Variants in KLHL29 observed in about 807,000 individuals in gnomAD.
KLHL29 encodes the protein kelch-like protein 29.
Under a neutral mutation model 80.4 loss-of-function variants are expected in KLHL29, and 21 were observed. The ratio of observed to expected loss-of-function variants is 0.26; its 90% CI spans 0.19 to 0.38. The LOEUF (loss-of-function observed/expected upper bound fraction) is 0.38. Ranked by LOEUF, KLHL29 falls within the 10% of genes least tolerant of loss-of-function variation. KLHL29 has a pLI of 1.00. For missense variants in KLHL29, 867 were observed against 1,223.9 expected (o/e 0.71, Z 4.35); for synonymous variants, 511 against 526.8 (o/e 0.97, Z 0.41).
At chr2:23,507,059 T>C in intron 2 of KLHL29, 1 of 425,750 alleles carries the variant, frequency 2.3e-6, no homozygotes, top group Non-Finnish European at 5.1e-6. Context: ...CAGCCGACCC[T>C]GGGGTTCTAA....
intron 1 of KLHL29, among the ~76,000 whole-genome samples, chr2:23,449,749 A>G (rs1437594397): frequency 6.6e-6 from 1 of 152,184 alleles, no homozygotes; most frequent in Non-Finnish European, 1.5e-5. Context: ...AACTAATTAG[A>G]GAACCTTAGG....
At position 23,639,287 on chromosome 2, in the gene KLHL29, A is replaced by G. The variant is rs1320957661; in HGVS notation, c.427+7A>G. 2 of 1,545,330 alleles carry G rather than the reference A, an allele frequency of 1.3e-6. No homozygotes were observed. Among genetic ancestry groups the G allele is most frequent in the Admixed American group, 2.0e-5 (1 of 49,736 alleles). On this transcript the variant is annotated splice_region_variant and intron_variant, in intron 4 of 13. Coordinates refer to ENST00000486442, the MANE Select transcript of KLHL29 (RefSeq NM_052920.2). Reference sequence around the variant, plus strand: ...AGAGAGAGTGACAATCCAGGTACGTACCTCATCGGCAGATAGAAACGACTG... The same window carrying G: ...AGAGAGAGTGACAATCCAGGTACGTGCCTCATCGGCAGATAGAAACGACTG...
In KLHL29 at chr2:23,680,702, G is replaced by A. The variant is rs1326868663; in HGVS notation, c.941-3697G>A. On this transcript the variant is annotated intron_variant, in intron 5 of 13. Coordinates refer to ENST00000486442, the MANE Select transcript of KLHL29 (RefSeq NM_052920.2). This position sits in a 1 kb window ranked among gnomAD's most constrained non-coding sequence, Gnocchi z 4.1. ...AGGCCATCTTCCCCTGGGGTCTCTAGGCCATCTTCCCCTGGGGTCTCTAGG... is the reference window on the plus strand; with the variant it reads ...AGGCCATCTTCCCCTGGGGTCTCTAAGCCATCTTCCCCTGGGGTCTCTAGG... 2.6e-5 allele frequency among the ~76,000 whole-genome samples: 4 copies of A among 151,356 alleles called. No homozygotes were observed. The highest frequency in any genetic ancestry group is 5.9e-5 in the Non-Finnish European group (4 of 67,828).
At chr2:23,634,905 T>C (rs1346835961) in intron 3 of KLHL29, among the ~76,000 whole-genome samples, 1 of 152,208 alleles carries the variant, frequency 6.6e-6, no homozygotes, top group Non-Finnish European at 1.5e-5. Context: ...ATATGCTTCT[T>C]CCACTGGCCA....
chr2:23,491,147 T>C (rs1665091386), intron 2 of KLHL29, among the ~76,000 whole-genome samples: 1 of 152,056 alleles, frequency 6.6e-6, no homozygotes, highest in Admixed American at 6.6e-5. Flanking sequence ...CAGATTCTAG[T>C]ATGAAACTCA....
At chr2:23,527,111 T>C (rs1002684909) in intron 2 of KLHL29, among the ~76,000 whole-genome samples, 1 of 152,150 alleles carries the variant, frequency 6.6e-6, no homozygotes, top group African/African-American at 2.4e-5. Context: ...ACGGTGGCCA[T>C]GTTGGCCCAT....
intron 1 of KLHL29, among the ~76,000 whole-genome samples, chr2:23,475,001 C>A (rs1664593166): frequency 6.7e-6 from 1 of 149,230 alleles, no homozygotes; most frequent in African/African-American, 2.5e-5. Flanking sequence ...GGTATTAAAT[C>A]TATAATTTAA....
At chr2:23,568,360 T>TG (rs1160833994) in intron 3 of KLHL29, among the ~76,000 whole-genome samples, 1 of 152,216 alleles carries the variant, frequency 6.6e-6, no homozygotes, top group Admixed American at 6.5e-5. Flanking sequence ...AGTACTGGTC[T>TG]GGGCTGGCTC....
chr2:23,529,752 T>G (rs1666434681), intron 2 of KLHL29, among the ~76,000 whole-genome samples: 1 of 152,234 alleles, frequency 6.6e-6, no homozygotes, highest in African/African-American at 2.4e-5. Context: ...AGCCTCCACC[T>G]GCGGGCTGGC....
chr2:23,520,281 G>A lies in KLHL29; in HGVS notation c.-45-41871G>A, dbSNP rs527438295. On this transcript the variant is annotated intron_variant, in intron 2 of 13. Coordinates refer to ENST00000486442, the MANE Select transcript of KLHL29 (RefSeq NM_052920.2). The stretch of plus-strand genomic sequence containing the variant: ...TCATCGTGTTAATTCTGTTGGGCTT[G>A]GCCTCTGCGCTTTCATGGGCTCAGA... 7.9e-5 allele frequency among the ~76,000 whole-genome samples: 12 copies of A among 152,166 alleles called. No individual in the cohort carries two copies. In the South Asian group the frequency reaches 2.1e-3, roughly 26 times the overall value.
At chr2:23,662,299 G>A (rs1056811655) in intron 5 of KLHL29, among the ~76,000 whole-genome samples, 6 of 152,184 alleles carry the variant, frequency 3.9e-5, no homozygotes, top group South Asian at 2.1e-4. Context: ...TAACCCTACT[G>A]TCTTACTATC....
chr2:23,454,021 C>A (rs1323222166), intron 1 of KLHL29, among the ~76,000 whole-genome samples: 3 of 152,170 alleles, frequency 2.0e-5, no homozygotes, highest in African/African-American at 7.2e-5. Flanking sequence ...ACTAAATGCC[C>A]ATTAAAACAG....
chr2:23,557,139 G>C (rs546697505), intron 2 of KLHL29, among the ~76,000 whole-genome samples: 1 of 152,272 alleles, frequency 6.6e-6, no homozygotes, highest in Non-Finnish European at 1.5e-5. Context: ...GACCAGTCTC[G>C]TCTAACGTAC....
At chr2:23,448,838 A>G (rs1670366205) in intron 1 of KLHL29, among the ~76,000 whole-genome samples, 1 of 152,080 alleles carries the variant, frequency 6.6e-6, no homozygotes, top group African/African-American at 2.4e-5. Flanking sequence ...TATGGCCTCC[A>G]CCTCATTTCC....
intron 1 of KLHL29, among the ~76,000 whole-genome samples, chr2:23,410,568 A>C (rs1285097198): frequency 6.6e-6 from 1 of 152,178 alleles, no homozygotes; most frequent in Non-Finnish European, 1.5e-5. Flanking sequence ...CATCAGGGCC[A>C]GAGACAGAAA....
intron 1 of KLHL29, among the ~76,000 whole-genome samples, chr2:23,453,447 G>C (rs1390774016): frequency 6.6e-6 from 1 of 152,276 alleles, no homozygotes; most frequent in Non-Finnish European, 1.5e-5. Flanking sequence ...ATTGAAAATA[G>C]AAGTGTGGGT....
At chr2:23,581,915 T>C (rs1283112472) in intron 3 of KLHL29, among the ~76,000 whole-genome samples, 6 of 151,938 alleles carry the variant, frequency 3.9e-5, no homozygotes, top group African/African-American at 1.5e-4. Flanking sequence ...AAGCTCCACC[T>C]TTGAAAAACT....
At chr2:23,558,185 TA>T (rs1174395958) in intron 2 of KLHL29, among the ~76,000 whole-genome samples, 9 of 130,896 alleles carry the variant, frequency 6.9e-5, no homozygotes, top group Non-Finnish European at 1.6e-4. Flanking sequence ...AAAGAGGACA[TA>T]CTGTGGTGAA....
chr2:23,523,489 C>T (rs922460508), intron 2 of KLHL29, among the ~76,000 whole-genome samples: 3 of 152,176 alleles, frequency 2.0e-5, no homozygotes, highest in African/African-American at 7.2e-5. Flanking sequence ...CTTAGCTTCC[C>T]CCCGCCAAAA....
Sources: allele counts gnomAD v4.1 joint callset (sites outside exome capture counted in the v4.1 genomes callset), GRCh38; gene constraint gnomAD v4.1.1; non-coding constraint Gnocchi (gnomAD v3.1); transcripts MANE v1.5; gene names NCBI Gene and HGNC (gene_info 2026-07-23, HGNC 2026-07-21).